The following MS4A15 variants were observed in gnomAD, a reference collection of about 807,000 sequenced individuals.
The protein encoded by MS4A15 is membrane-spanning 4-domains subfamily A member 15.
MS4A15 carries 22 observed loss-of-function variants against 20.6 expected under a neutral mutation model. The observed-to-expected ratio is 1.07, with a 90% CI of 0.76 to 1.52. The LOEUF (loss-of-function observed/expected upper bound fraction) is 1.52, where lower values mean the gene tolerates loss of function less well. MS4A15 is among the 40% of genes most tolerant of loss of function. MS4A15 has a pLI of 0.00. For synonymous variants in MS4A15, 129 were observed against 129.3 expected (o/e 1.00, Z 0.02); for missense variants, 312 against 323.0 (o/e 0.97, Z 0.26).
At position 60,775,774 on chromosome 11, in the gene MS4A15, C is replaced by T; in HGVS notation, c.*59C>T. 1 of 1,346,542 alleles carries T rather than the reference C, an allele frequency of 7.4e-7. No homozygotes were observed. Among genetic ancestry groups the T allele is most frequent in the Non-Finnish European group, 1.0e-6 (1 of 961,390 alleles). The allele number at this position is 1,346,542 out of a possible 1,614,324, so 83.4% of individuals were successfully genotyped here. On this transcript the variant is annotated 3_prime_UTR_variant, in exon 7 of 7. Transcript: ENST00000405633. ...CCTTTTCCCTCTGGGCCCAGCCTCTCCCCACCCCCACCTTGTTCATCAGGG... is the reference window on the plus strand; with the variant it reads ...CCTTTTCCCTCTGGGCCCAGCCTCTTCCCACCCCCACCTTGTTCATCAGGG...
At chr11:60,772,360 A>C (rs1190237402) in intron 4 of MS4A15, among the ~76,000 whole-genome samples, 242 of 152,258 alleles carry the variant, frequency 1.6e-3, no homozygotes, top group African/African-American at 5.7e-3. Context: ...CTTGAGAGGT[A>C]TCCCAGGTGC....
At chr11:60,761,971 A>G (rs113629875) in intron 1 of MS4A15, among the ~76,000 whole-genome samples, 7 of 152,324 alleles carry the variant, frequency 4.6e-5, no homozygotes, top group African/African-American at 1.2e-4. Context: ...GGCGTGCAGA[A>G]TTTTGGCTGC....
At chr11:60,767,013 A>G (rs1412363389) in intron 2 of MS4A15, among the ~76,000 whole-genome samples, 2 of 152,244 alleles carry the variant, frequency 1.3e-5, no homozygotes, top group Non-Finnish European at 2.9e-5. Context: ...ACTTCTGGGC[A>G]TAGACTAGTA....
At chr11:60,767,683 G>A (rs1196171971) in intron 3 of MS4A15, 28 bp downstream of exon 3, 2 of 1,521,592 alleles carry the variant, frequency 1.3e-6, no homozygotes, top group Non-Finnish European at 1.8e-6. Context: ...GGAGAGGGAG[G>A]GTAGGGGGAT....
At chr11:60,770,523 G>A (rs763409766) in intron 3 of MS4A15, among the ~76,000 whole-genome samples, 12 of 151,382 alleles carry the variant, frequency 7.9e-5, no homozygotes, top group South Asian at 6.3e-4. Context: ...ACTTGAACCC[G>A]GGAGGCGGAG....
intron 1 of MS4A15, among the ~76,000 whole-genome samples, chr11:60,762,344 C>G (rs900797663): frequency 2.0e-5 from 3 of 152,194 alleles, no homozygotes; most frequent in Non-Finnish European, 4.4e-5. Flanking sequence ...ATAATTCTAT[C>G]TATGTCACAC....
At chr11:60,772,227 G>T (rs991507553) in intron 4 of MS4A15, among the ~76,000 whole-genome samples, 3 of 152,182 alleles carry the variant, frequency 2.0e-5, no homozygotes. Flanking sequence ...CAGGCAAGGG[G>T]TGGGCCGAGA....
chr11:60,766,835 T>C (rs118064460), intron 2 of MS4A15, among the ~76,000 whole-genome samples: 46 of 152,310 alleles, frequency 3.0e-4, no homozygotes, highest in Middle Eastern at 3.4e-3. Context: ...GGAGTCCCCG[T>C]GAAAGTCACG....
chr11:60,771,911 C>A lies in MS4A15; in HGVS notation c.405+564C>A, dbSNP rs11230471. ...AGCTTTATGTCAGGCTCAGAGAACA[C>A]GGCAATGAAGATCATGAACACGGCA... On this transcript the variant is annotated intron_variant, in intron 4 of 6. Transcript: ENST00000405633. Among the ~76,000 whole-genome samples, 347 of 152,196 alleles carry A rather than the reference C, an allele frequency of 2.3e-3. 10 individuals carry two copies. In the East Asian group the frequency reaches 0.058, roughly 25 times the overall value.
At chr11:60,758,824 A>C (rs1310788848) in intron 1 of MS4A15, among the ~76,000 whole-genome samples, 1 of 152,186 alleles carries the variant, frequency 6.6e-6, no homozygotes, top group Non-Finnish European at 1.5e-5. Flanking sequence ...GTCTTTACAG[A>C]TGGTTTAGGA....
intron 2 of MS4A15, among the ~76,000 whole-genome samples, chr11:60,764,949 T>C (rs1396805860): frequency 2.0e-5 from 3 of 152,058 alleles, no homozygotes; most frequent in South Asian, 2.1e-4. Context: ...AAATTAAATT[T>C]AGCAGAGTTT....
intron 4 of MS4A15, chr11:60,771,643 G>T: frequency 6.9e-7 from 1 of 1,441,850 alleles, no homozygotes. Context: ...GTCCTGCTGG[G>T]CCTTGGTGAG....
At chr11:60,769,413 G>A (rs1853972134) in intron 3 of MS4A15, among the ~76,000 whole-genome samples, 1 of 152,182 alleles carries the variant, frequency 6.6e-6, no homozygotes, top group Non-Finnish European at 1.5e-5. Context: ...TGGATGACTT[G>A]GAAGGAAAGA....
At chr11:60,774,042 C>T in intron 6 of MS4A15, 92 bp downstream of exon 6, 1 of 911,616 alleles carries the variant, frequency 1.1e-6, no homozygotes, top group Non-Finnish European at 1.8e-6. Context: ...TGCCTCCAGA[C>T]CCCTCCCTCT....
intron 1 of MS4A15, among the ~76,000 whole-genome samples, chr11:60,763,447 T>G (rs1853798185): frequency 6.6e-6 from 1 of 152,142 alleles, no homozygotes; most frequent in African/African-American, 2.4e-5. Context: ...GCTTTCCACA[T>G]AATATAGCTC....
intron 1 of MS4A15, among the ~76,000 whole-genome samples, chr11:60,757,641 C>G (rs1227150313): frequency 6.6e-6 from 1 of 152,194 alleles, no homozygotes; most frequent in East Asian, 1.9e-4. Context: ...TTTCCTCCAC[C>G]CTTAAAGGGA....
chr11:60,769,357 G>C (rs998906563), intron 3 of MS4A15, among the ~76,000 whole-genome samples: 1 of 152,124 alleles, frequency 6.6e-6, no homozygotes, highest in Non-Finnish European at 1.5e-5. Context: ...TTTTCTTGGA[G>C]GCTCAAAGGA....
chr11:60,761,200 A>G (rs1033812025), intron 1 of MS4A15, among the ~76,000 whole-genome samples: 1 of 152,136 alleles, frequency 6.6e-6, no homozygotes, highest in African/African-American at 2.4e-5. Flanking sequence ...TTTGGGATGG[A>G]TTAAACTTAA....
chr11:60,766,078 G>C (rs1383622453), intron 2 of MS4A15, among the ~76,000 whole-genome samples: 2 of 152,128 alleles, frequency 1.3e-5, no homozygotes, highest in East Asian at 1.9e-4. Context: ...TCCAAAATTA[G>C]GATAATAATA....
Sources: gnomAD v4.1 joint callset for allele counts (sites outside exome capture counted in the v4.1 genomes callset) on GRCh38, gnomAD v4.1.1 for gene constraint, MANE v1.5 for transcripts, NCBI Gene and HGNC (gene_info 2026-07-23, HGNC 2026-07-21) for gene names.